CACNA2D1: variants seen among roughly 807,000 people sequenced by gnomAD.
CACNA2D1 encodes calcium voltage-gated channel auxiliary subunit alpha2delta 1.
CACNA2D1 carries 53 observed loss-of-function variants against 171.5 expected under a neutral mutation model. The ratio of observed to expected loss-of-function variants is 0.31; its 90% CI spans 0.25 to 0.39. CACNA2D1 has a LOEUF of 0.39. CACNA2D1 is among the 10% of genes least tolerant of loss of function. CACNA2D1 has a pLI of 1.00. For synonymous variants in CACNA2D1, 442 were observed against 443.1 expected (o/e 1.00, Z 0.03); for missense variants, 903 against 1,299.8 (o/e 0.69, Z 4.69).
chr7:82,372,156 A>C (rs1487204558), intron 1 of CACNA2D1, among the ~76,000 whole-genome samples: 2 of 152,184 alleles, frequency 1.3e-5, no homozygotes, highest in Admixed American at 6.5e-5. Flanking sequence ...CTTCAATTTC[A>C]TATACTGAAC....
At chr7:82,077,108 T>C (rs562623306) in intron 7 of CACNA2D1, among the ~76,000 whole-genome samples, 3 of 152,232 alleles carry the variant, frequency 2.0e-5, no homozygotes, top group Admixed American at 2.0e-4. Context: ...AATTTAGATG[T>C]ATAAGTTGAC....
chr7:82,320,960 CAAAA>C (rs1815756960), intron 3 of CACNA2D1, among the ~76,000 whole-genome samples: 1 of 151,376 alleles, frequency 6.6e-6, no homozygotes, highest in Non-Finnish European at 1.5e-5. Context: ...TATATAAAGC[CAAAA>C]ACTTATATAA....
intron 10 of CACNA2D1, among the ~76,000 whole-genome samples, chr7:82,041,077 T>G (rs578162456): frequency 6.6e-6 from 1 of 151,878 alleles, no homozygotes; most frequent in Non-Finnish European, 1.5e-5. Flanking sequence ...GCAGAACGAA[T>G]GGACAGCAGG....
chr7:82,051,147 T>A (rs538671461), intron 10 of CACNA2D1: 1 of 155,966 alleles, frequency 6.4e-6, no homozygotes, highest in African/African-American at 2.4e-5. Context: ...ATCTTTAGAA[T>A]ACCATATTCA....
At chr7:82,311,334 C>T (rs1814441582) in intron 3 of CACNA2D1, among the ~76,000 whole-genome samples, 1 of 151,400 alleles carries the variant, frequency 6.6e-6, no homozygotes. Context: ...CATACAAATG[C>T]ACTAGGTAAG....
At position 82,214,510 on chromosome 7, in the gene CACNA2D1, A is replaced by G. The variant is rs985882083; in HGVS notation, c.295-43901T>C. On this transcript the variant is annotated intron_variant, in intron 3 of 38. Coordinates refer to ENST00000356860, the MANE Select transcript of CACNA2D1 (RefSeq NM_000722.4). ...AAAAATCCCAGCAGCTGGGAAAGTA[A>G]GGACCTCAATCCTCAAAGAAGGTTC... Among the ~76,000 whole-genome samples the G allele has an allele frequency of 1.7e-4, 26 of 151,960 alleles. 1 individual carries two copies. The highest frequency in any genetic ancestry group is 2.9e-5 in the Non-Finnish European group (2 of 68,000).
intron 1 of CACNA2D1, among the ~76,000 whole-genome samples, chr7:82,386,383 T>C (rs914719973): frequency 6.6e-6 from 1 of 152,160 alleles, no homozygotes; most frequent in African/African-American, 2.4e-5. Context: ...GGGGAAAAAT[T>C]AGTTTTTGTT....
At chr7:81,953,642 G>C (rs1248748078) in intron 38 of CACNA2D1, among the ~76,000 whole-genome samples, 1 of 152,030 alleles carries the variant, frequency 6.6e-6, no homozygotes, top group East Asian at 1.9e-4. Flanking sequence ...TAAATGAAGA[G>C]TAGGTACTCA....
rs564968223 is a variant in CACNA2D1, at chr7:82,357,822, T to C, written c.96-8173A>G. ...CACATGTATACGTATGTAACAAACC[T>C]GCACATTGTGCACATGTACCCTAAA... On this transcript the variant is annotated intron_variant, in intron 1 of 38. Coordinates refer to ENST00000356860, the MANE Select transcript of CACNA2D1 (RefSeq NM_000722.4). 2.9e-4 allele frequency among the ~76,000 whole-genome samples: 43 copies of C among 150,080 alleles called. 2 individuals carry two copies. In the South Asian group the frequency reaches 6.7e-3, roughly 23 times the overall value.
intron 1 of CACNA2D1, among the ~76,000 whole-genome samples, chr7:82,353,137 A>C (rs1204284023): frequency 6.6e-6 from 1 of 152,170 alleles, no homozygotes; most frequent in Non-Finnish European, 1.5e-5. Context: ...AAGAGGTAAG[A>C]AATGAGATGG....
At chr7:82,192,558 T>C (rs151316341) in intron 3 of CACNA2D1, among the ~76,000 whole-genome samples, 1 of 150,446 alleles carries the variant, frequency 6.6e-6, no homozygotes, top group Non-Finnish European at 1.5e-5. Context: ...TTGAGAAATA[T>C]CTGTGTATAA....
At chr7:82,369,646 T>C (rs1253459374) in intron 1 of CACNA2D1, among the ~76,000 whole-genome samples, 2 of 152,004 alleles carry the variant, frequency 1.3e-5, no homozygotes, top group Non-Finnish European at 2.9e-5. Flanking sequence ...ATATAAAATA[T>C]TGATAAGTCA....
intron 3 of CACNA2D1, among the ~76,000 whole-genome samples, chr7:82,333,398 AG>A (rs1554515315): frequency 6.6e-5 from 10 of 152,158 alleles, no homozygotes; most frequent in Non-Finnish European, 1.5e-4. Context: ...TAAAGGAAGG[AG>A]GTTTAATTGA....
chr7:82,332,903 G>A (rs1817551796), intron 3 of CACNA2D1, among the ~76,000 whole-genome samples: 1 of 152,292 alleles, frequency 6.6e-6, no homozygotes, highest in South Asian at 2.1e-4. Flanking sequence ...GAAGGCTGAG[G>A]TGGGAGGGCT....
At chr7:82,439,699 CATA>C (rs1377379976) in intron 1 of CACNA2D1, among the ~76,000 whole-genome samples, 3 of 150,810 alleles carry the variant, frequency 2.0e-5, no homozygotes, top group African/African-American at 7.3e-5. Context: ...ATAAATTTAA[CATA>C]ATATTACTAC....
At chr7:81,969,775 T>C (rs1167246605) in intron 28 of CACNA2D1, 106 bp downstream of exon 28, 2 of 712,944 alleles carry the variant, frequency 2.8e-6, no homozygotes, top group Non-Finnish European at 5.1e-6. Flanking sequence ...TGATGACTAT[T>C]CTGAGTAGTT....
At chr7:82,160,857 T>C (rs879365909) in intron 4 of CACNA2D1, among the ~76,000 whole-genome samples, 2 of 152,104 alleles carry the variant, frequency 1.3e-5, no homozygotes, top group Admixed American at 1.3e-4. Context: ...AAAAATCTTA[T>C]TTGCCTATGT....
intron 30 of CACNA2D1, 87 bp downstream of exon 30, chr7:81,967,507 ATT>A: frequency 1.4e-6 from 1 of 725,784 alleles, no homozygotes; most frequent in East Asian, 2.7e-5. Context: ...TTGAGAATGT[ATT>A]TGCCACTGTA....
chr7:81,991,450 C>A lies in CACNA2D1; in HGVS notation c.1735-204G>T, dbSNP rs116751645. On this transcript the variant is annotated intron_variant, in intron 20 of 38. Coordinates refer to ENST00000356860, the MANE Select transcript of CACNA2D1 (RefSeq NM_000722.4). ...ACAGAAACAAATGTAAGTGAAAAAT[C>A]TTTATAGTTTATGCCAAATTATTAT... Among the ~76,000 whole-genome samples the A allele has an allele frequency of 9.4e-3, 1,436 of 152,146 alleles. 21 individuals carry two copies. Among genetic ancestry groups the A allele is most frequent in the African/African-American group, 0.033 (1,367 of 41,534 alleles).
Sources: allele counts gnomAD v4.1 joint callset (sites outside exome capture counted in the v4.1 genomes callset), GRCh38; gene constraint gnomAD v4.1.1; transcripts MANE v1.5; gene names NCBI Gene and HGNC (gene_info 2026-07-23, HGNC 2026-07-21).